Variants in AEBP1 observed in about 807,000 individuals in gnomAD.
AEBP1 encodes the protein adipocyte enhancer-binding protein 1.
AEBP1 carries 69 observed loss-of-function variants against 116.5 expected under a neutral mutation model. The observed-to-expected ratio is 0.59, with a 90% CI of 0.49 to 0.72. The LOEUF is 0.72. Ranked by LOEUF, AEBP1 falls within the 30% of genes least tolerant of loss-of-function variation. AEBP1 has a pLI of 0.00. For synonymous variants in AEBP1, 627 were observed against 627.3 expected (o/e 1.00, Z 0.01); for missense variants, 1,444 against 1,557.5 (o/e 0.93, Z 1.23).
At chr7:44,109,714 C>G (rs1414562448) in intron 9 of AEBP1, 1 of 566,612 alleles carries the variant, frequency 1.8e-6, no homozygotes, top group Non-Finnish European at 3.2e-6. Context: ...CCTGGGGGAG[C>G]TCTACCTGTG....
rs2096220621 is a variant in AEBP1 at position 44,104,357 on chromosome 7, G to C, written c.-309G>C. 4.6e-6 allele frequency: 1 copy of C among 215,896 alleles called. No individual in the cohort carries two copies. The highest frequency in any genetic ancestry group is 9.1e-6 in the Non-Finnish European group (1 of 109,818). 13.4% of individuals were successfully genotyped at this position (215,896 alleles called of 1,614,324 possible). A position where few individuals can be genotyped will look rare whatever the true frequency, so the allele number is the denominator to read the frequency against. Reference sequence around the variant, plus strand: ...CGCCCCGGGCCCCGCCAGCGCTTTGGAGACGGCTATCCGCGCGGGAGTGCG... The same window carrying C: ...CGCCCCGGGCCCCGCCAGCGCTTTGCAGACGGCTATCCGCGCGGGAGTGCG... On this transcript the variant is annotated 5_prime_UTR_variant, in exon 1 of 21. Transcript: ENST00000223357.
Position 44,105,850 on chromosome 7 carries a change from G to A in AEBP1, c.254-696G>A, listed in dbSNP as rs191216885. 3.8e-4 allele frequency among the ~76,000 whole-genome samples: 58 copies of A among 152,194 alleles called. 1 individual carries two copies. In the Middle Eastern group the frequency reaches 0.014, roughly 36 times the overall value. On this transcript the variant is annotated intron_variant, in intron 1 of 20. Coordinates refer to ENST00000223357, the MANE Select transcript of AEBP1 (RefSeq NM_001129.5). ...TTGCAGCTCCTGCTTAGGGTCCTGG[G>A]AGGATTCCCATGGGGAATCCTCACA... is the stretch of plus-strand genomic sequence containing the variant.
At position 44,112,735 on chromosome 7, in the gene AEBP1, G is replaced by C. The variant is rs777733774; in HGVS notation, c.2395G>C (p.Glu799Gln). 5 of 1,613,166 alleles carry C rather than the reference G, an allele frequency of 3.1e-6. No homozygotes were observed. Among genetic ancestry groups the C allele is most frequent in the Non-Finnish European group, 3.4e-6 (4 of 1,179,968 alleles). Residue 799 changes from glutamate to glutamine, a missense_variant, in exon 18 of 21, where the codon GAG becomes CAG. Physicochemically the swap from Glu to Gln is conservative, Grantham distance 29. Coordinates refer to ENST00000223357, the MANE Select transcript of AEBP1 (RefSeq NM_001129.5). The surrounding 1 kb of genome is among the most constrained non-coding windows in gnomAD (Gnocchi z 6.6). Reference protein sequence around the residue: ...MAAARGEDEDEVSEAQETPDH... With the variant: ...MAAARGEDEDQVSEAQETPDH... ...AGCAGCCCGGGGGGAGGATGAGGAC[G>C]AGGTCTCCGAGGCCCAGGAGACTCC...
In AEBP1 at chr7:44,112,279, T is replaced by G. The variant is rs755589939; in HGVS notation, c.2175T>G (p.Asn725Lys). The change falls in exon 17 of 21, where the codon AAT becomes AAG. Residue 725 changes from asparagine to lysine, a missense_variant. By Grantham distance (94) the Asn-to-Lys change is moderately conservative. Transcript: ENST00000223357. The surrounding 1 kb of genome is among the most constrained non-coding windows in gnomAD (Gnocchi z 6.6). The stretch of plus-strand genomic sequence containing the variant: ...GGGTCCCCTACCGGGTCCCCAACAA[T>G]AACTTGCCCATCCCTGAACGCTACC... The part of the protein sequence containing the change: ...RKWVPYRVPN[N>K]NLPIPERYLS... 1 of 1,585,190 alleles carries G rather than the reference T, an allele frequency of 6.3e-7. No homozygotes were observed. The highest frequency in any genetic ancestry group is 2.3e-5 in the East Asian group (1 of 44,312).
Position 44,111,194 on chromosome 7 carries a change from C to T in AEBP1, c.1671C>T (p.Thr557=), listed in dbSNP as rs141019167. Residue 557 remains threonine, a synonymous_variant, in exon 14 of 21, where the codon ACC becomes ACT. Coordinates refer to ENST00000223357, the MANE Select transcript of AEBP1 (RefSeq NM_001129.5). This position sits in a 1 kb window ranked among gnomAD's most constrained non-coding sequence, Gnocchi z 4.7. ...ACGCACAGAATGAGGTGGTGGCCAC[C>T]GATGACCTGGATTTCCGGCACCACA... ...SYYAQNEVVA[T]DDLDFRHHSY... 83 of 1,515,216 alleles carry T rather than the reference C, an allele frequency of 5.5e-5. No homozygotes were observed. Among genetic ancestry groups the T allele is most frequent in the Non-Finnish European group, 6.7e-5 (76 of 1,130,896 alleles). The allele number at this position is 1,515,216 out of a possible 1,614,324, so 93.9% of individuals were successfully genotyped here. A position where few individuals can be genotyped will look rare whatever the true frequency, so the allele number is the denominator to read the frequency against.
At position 44,109,457 on chromosome 7, in the gene AEBP1, G is replaced by C. The variant is rs1050225077; in HGVS notation, c.1150+116G>C. ...GGTCCCCGGAACCCTTTCCTACTCA[G>C]ATTCTTGGGACCCAGAAGGGAGGGG... On this transcript the variant is annotated intron_variant, in intron 9 of 20. Transcript: ENST00000223357. 1.1e-5 allele frequency: 14 copies of C among 1,233,926 alleles called. No individual in the cohort carries two copies. In the Admixed American group the frequency reaches 2.9e-4, roughly 25 times the overall value. The allele number at this position is 1,233,926 out of a possible 1,614,324, so 76.4% of individuals were successfully genotyped here. A position where few individuals can be genotyped will look rare whatever the true frequency, so the allele number is the denominator to read the frequency against.
In AEBP1 at chr7:44,111,524, C is replaced by A. The variant is rs754593632; in HGVS notation, c.1734C>A (p.Asn578Lys). Residue 578 changes from asparagine (N) to lysine (K), a missense_variant, in exon 15 of 21, where the codon AAC (asparagine) becomes AAA (lysine). Asn to Lys is a moderately conservative substitution (Grantham distance 94). Transcript: ENST00000223357. The surrounding 1 kb of genome is among the most constrained non-coding windows in gnomAD (Gnocchi z 4.7). ...KDMRQLMKVV[N>K]EECPTITRTY... ...TGCCCCAGCTCATGAAGGTGGTGAA[C>A]GAGGAGTGCCCCACCATCACCCGCA... 1.9e-6 allele frequency: 3 copies of A among 1,596,722 alleles called. No homozygotes were observed. The highest frequency in any genetic ancestry group is 1.7e-4 in the Middle Eastern group (1 of 5,974).
chr7:44,109,584 G>T, intron 9 of AEBP1: 1 of 594,442 alleles, frequency 1.7e-6, no homozygotes, highest in Non-Finnish European at 3.0e-6. Flanking sequence ...TAGTGGCTGG[G>T]CGTGGTAGGG....
chr7:44,109,513 T>C, intron 9 of AEBP1, 172 bp downstream of exon 9: 1 of 739,768 alleles, frequency 1.4e-6, no homozygotes, highest in Non-Finnish European at 2.1e-6. Context: ...CTCGCTTGGC[T>C]GCCCCAGCCC....
intron 8 of AEBP1, 30 bp from the exon 9 acceptor site, chr7:44,109,258 G>A (rs1160893233): frequency 1.2e-6 from 2 of 1,611,612 alleles, no homozygotes; most frequent in Non-Finnish European, 1.7e-6. Flanking sequence ...CCGGGCCCTT[G>A]GTGCCATGTC....
intron 1 of AEBP1, among the ~76,000 whole-genome samples, chr7:44,105,539 C>CT (rs2096222112): frequency 6.6e-6 from 1 of 152,144 alleles, no homozygotes; most frequent in Non-Finnish European, 1.5e-5. Context: ...GGCAGAGGGT[C>CT]TTGTGATCCC....
At chr7:44,105,025 C>A in intron 1 of AEBP1, 107 bp downstream of exon 1, 1 of 1,009,648 alleles carries the variant, frequency 9.9e-7, no homozygotes, top group Non-Finnish European at 1.4e-6. Flanking sequence ...GGAGGAATGG[C>A]TGGCTTACTA....
At position 44,110,345 on chromosome 7, in the gene AEBP1, C is replaced by A; in HGVS notation, c.1399C>A (p.His467Asn). The change falls in exon 11 of 21, where the codon CAT becomes AAT. Residue 467 changes from histidine to asparagine, a missense_variant and splice_region_variant. Transcript: ENST00000223357. Reference protein sequence around the residue: ...VITQGRDSSIHDDFVTTFFVG... With the variant: ...VITQGRDSSINDDFVTTFFVG... ...CACCCAGGGCAGAGACTCCAGCATCCAGTGCGTGGCCAGGCTCATGGATAG... is the reference window on the plus strand; with the variant it reads ...CACCCAGGGCAGAGACTCCAGCATCAAGTGCGTGGCCAGGCTCATGGATAG... 6.2e-7 allele frequency: 1 copy of A among 1,613,692 alleles called. No homozygotes were observed. Among genetic ancestry groups the A allele is most frequent in the Non-Finnish European group, 8.5e-7 (1 of 1,180,012 alleles).
Position 44,111,466 on chromosome 7 carries a change from G to T in AEBP1, c.1717-41G>T. ...GGAAGGGGCATGGTCAGCGGGGGACGGATTGCATGATTGATTCCACGTCCT... is the reference window on the plus strand; with the variant it reads ...GGAAGGGGCATGGTCAGCGGGGGACTGATTGCATGATTGATTCCACGTCCT... On this transcript the variant is annotated intron_variant, in intron 14 of 20. Coordinates refer to ENST00000223357, the MANE Select transcript of AEBP1 (RefSeq NM_001129.5). The surrounding 1 kb of genome is among the most constrained non-coding windows in gnomAD (Gnocchi z 4.7). 1 of 1,547,898 alleles carries T rather than the reference G, an allele frequency of 6.5e-7. No homozygotes were observed. The highest frequency in any genetic ancestry group is 1.2e-5 in the South Asian group (1 of 80,538).
At chr7:44,109,557 C>T in intron 9 of AEBP1, 1 of 608,370 alleles carries the variant, frequency 1.6e-6, no homozygotes, top group Admixed American at 3.2e-5. Flanking sequence ...AGGAGGGTGG[C>T]AGCTCCCCAG....
rs769474795 is a variant in AEBP1, at chr7:44,112,092, G to A, written c.2037+42G>A. The A allele has an allele frequency of 2.5e-6, 4 of 1,603,710 alleles. No individual in the cohort carries two copies. The South Asian group carries it at 4.4e-5, about 18-fold the overall frequency. On this transcript the variant is annotated intron_variant, in intron 16 of 20. Coordinates refer to ENST00000223357, the MANE Select transcript of AEBP1 (RefSeq NM_001129.5). This position sits in a 1 kb window ranked among gnomAD's most constrained non-coding sequence, Gnocchi z 6.6. ...GGCTGGCCAGGGTCCAGGCAGCTGG[G>A]GGTTGTGGGGGTGTGGGTAGCCGAT...
intron 1 of AEBP1, chr7:44,106,249 C>A: frequency 1.7e-6 from 1 of 581,622 alleles, no homozygotes. Flanking sequence ...TAGTAAGGAA[C>A]CCCTATTGAG....
At position 44,110,324 on chromosome 7, in the gene AEBP1, C is replaced by G. The variant is rs1253323735; in HGVS notation, c.1378C>G (p.Gln460Glu). The change falls in exon 11 of 21, where the codon CAG becomes GAG. Residue 460 changes from glutamine to glutamate, a missense_variant. Coordinates refer to ENST00000223357, the MANE Select transcript of AEBP1 (RefSeq NM_001129.5). The stretch of plus-strand genomic sequence containing the variant: ...TACCCGGTTCACAGGCGTCATCACC[C>G]AGGGCAGAGACTCCAGCATCCAGTG... ...RTTRFTGVIT[Q>E]GRDSSIHDDF... The G allele has an allele frequency of 6.2e-7, 1 of 1,613,592 alleles. No homozygotes were observed. Among genetic ancestry groups the G allele is most frequent in the African/African-American group, 1.3e-5 (1 of 74,926 alleles).
chr7:44,114,490 G>A lies in AEBP1; in HGVS notation c.*229G>A, dbSNP rs3217971. ...CACCTGCCAGTCTCGTAAGAGATGGGGTTGCTGCAGTGTTGGAGTAGGGGC... is the reference window on the plus strand; with the variant it reads ...CACCTGCCAGTCTCGTAAGAGATGGAGTTGCTGCAGTGTTGGAGTAGGGGC... On this transcript the variant is annotated 3_prime_UTR_variant, in exon 21 of 21. Coordinates refer to ENST00000223357, the MANE Select transcript of AEBP1 (RefSeq NM_001129.5). 1 of 634,166 alleles carries A rather than the reference G, an allele frequency of 1.6e-6. No individual in the cohort carries two copies. Among genetic ancestry groups the A allele is most frequent in the Non-Finnish European group, 2.7e-6 (1 of 369,642 alleles). The allele number at this position is 634,166 out of a possible 1,614,324, so 39.3% of individuals were successfully genotyped here.
Sources: allele counts gnomAD v4.1 joint callset (sites outside exome capture counted in the v4.1 genomes callset), GRCh38; gene constraint gnomAD v4.1.1; non-coding constraint Gnocchi (gnomAD v3.1); transcripts MANE v1.5; gene names NCBI Gene and HGNC (gene_info 2026-07-23, HGNC 2026-07-21).